Variants in PIGN observed in about 807,000 individuals in gnomAD.
PIGN encodes phosphatidylinositol glycan anchor biosynthesis class N, also known as GPI ethanolamine phosphate transferase 1.
A neutral mutation model predicts 125.4 loss-of-function variants in PIGN; 117 were observed. That is an observed-to-expected ratio of 0.93 (90% CI 0.80 to 1.09). PIGN has a LOEUF of 1.09. Among genes scored for constraint, PIGN ranks in the 50% least tolerant of loss-of-function variants. The pLI, the probability that PIGN is intolerant of heterozygous loss-of-function variation, is 0.00. For missense variants in PIGN, 1,075 were observed against 1,094.9 expected (o/e 0.98, Z 0.26); for synonymous variants, 392 against 377.8 (o/e 1.04, Z -0.44).
At position 62,078,528 on chromosome 18, in the gene PIGN, G is replaced by T. The variant is rs113111336; in HGVS notation, c.2577-3707C>A. On this transcript the variant is annotated intron_variant, in intron 28 of 30. Coordinates refer to ENST00000640252, the MANE Select transcript of PIGN (RefSeq NM_176787.5). The stretch of plus-strand genomic sequence containing the variant: ...CAGAGGCCTTCAGCATCTTCACCAC[G>T]TTCCTTTGAATGTGTCCCTGGTTCC... Among the ~76,000 whole-genome samples the T allele has an allele frequency of 2.6e-3, 389 of 152,284 alleles. 1 individual carries two copies. The highest frequency in any genetic ancestry group is 8.9e-3 in the African/African-American group (369 of 41,554).
At chr18:62,052,109 G>A (rs1465529670) in intron 30 of PIGN, 1 of 152,134 alleles carries the variant, frequency 6.6e-6, no homozygotes, top group Non-Finnish European at 1.5e-5. Flanking sequence ...GTTGAGGAGA[G>A]CTTTACTTCC....
chr18:62,150,523 C>T (rs1410143804), intron 7 of PIGN, among the ~76,000 whole-genome samples: 1 of 152,082 alleles, frequency 6.6e-6, no homozygotes, highest in Non-Finnish European at 1.5e-5. Context: ...ATAGATTCAA[C>T]CCAGGCGAAC....
In PIGN at chr18:62,162,248, G is replaced by T. The variant is rs2036980330; in HGVS notation, c.-33+5C>A. ...ACATTTAAATAAAACTGTAAAAGAA[G>T]ATACCATTAAATTGCCAAGATCAAA... On this transcript the variant is annotated splice_donor_5th_base_variant and intron_variant, in intron 3 of 30. Coordinates refer to ENST00000640252, the MANE Select transcript of PIGN (RefSeq NM_176787.5). The T allele has an allele frequency of 6.6e-6, 1 of 151,936 alleles. No individual in the cohort carries two copies. The highest frequency in any genetic ancestry group is 6.6e-5 in the Admixed American group (1 of 15,266). 9.4% of individuals were successfully genotyped at this position (151,936 alleles called of 1,614,324 possible). A position where few individuals can be genotyped will look rare whatever the true frequency, so the allele number is the denominator to read the frequency against.
chr18:62,097,537 C>A (rs1469574759), intron 22 of PIGN, among the ~76,000 whole-genome samples: 1 of 151,188 alleles, frequency 6.6e-6, no homozygotes, highest in Admixed American at 6.6e-5. Flanking sequence ...GGATCTAGAA[C>A]TAGAAATACC....
intron 23 of PIGN, among the ~76,000 whole-genome samples, chr18:62,019,039 C>A (rs1400581605): frequency 6.6e-6 from 1 of 152,106 alleles, no homozygotes. Context: ...GAGACCCTGG[C>A]TCTACTGAAA....
chr18:62,086,896 CAA>C (rs2033732717), intron 25 of PIGN, among the ~76,000 whole-genome samples: 1 of 143,792 alleles, frequency 7.0e-6, no homozygotes, highest in Non-Finnish European at 1.5e-5. Flanking sequence ...AATATGACAA[CAA>C]GTTGGATGTC....
Position 62,128,853 on chromosome 18 carries a change from C to T in PIGN, c.1172+9390G>A, listed in dbSNP as rs1196629624. On this transcript the variant is annotated intron_variant, in intron 14 of 30. Transcript: ENST00000640252. ...TATATTTAACATGAAAAATGTAAGGCAAAAATAAACTATTAAGTTTCTTCT... is the reference window on the plus strand; with the variant it reads ...TATATTTAACATGAAAAATGTAAGGTAAAAATAAACTATTAAGTTTCTTCT... Among the ~76,000 whole-genome samples, 4 of 151,882 alleles carry T rather than the reference C, an allele frequency of 2.6e-5. No homozygotes were observed. The East Asian group carries it at 7.7e-4, about 29-fold the overall frequency.
At chr18:62,089,162 C>T (rs1272033918) in intron 24 of PIGN, among the ~76,000 whole-genome samples, 1 of 152,078 alleles carries the variant, frequency 6.6e-6, no homozygotes, top group Non-Finnish European at 1.5e-5. Context: ...TAATTCTTCC[C>T]TCTTCAAAGA....
At position 62,072,730 on chromosome 18, in the gene PIGN, A is replaced by AAG. The variant is rs776271606; in HGVS notation, c.2620-6_2620-5insCT. Reference sequence around the variant, plus strand: ...CTTGACCAAGAAGAAAAAATGCTGTAAAAAAAAAAAAAGGCTTAATGAAAA... The same window carrying AAG: ...CTTGACCAAGAAGAAAAAATGCTGTAAGAAAAAAAAAAAAGGCTTAATGAAAA... On this transcript the variant is annotated splice_polypyrimidine_tract_variant and splice_region_variant and intron_variant, in intron 29 of 30. Transcript: ENST00000640252. The AAG allele has an allele frequency of 2.0e-4, 92 of 467,240 alleles. No individual in the cohort carries two copies. The East Asian group carries it at 4.4e-3, about 22-fold the overall frequency. The allele number at this position is 467,240 out of a possible 1,614,324, so 28.9% of individuals were successfully genotyped here. A position where few individuals can be genotyped will look rare whatever the true frequency, so the allele number is the denominator to read the frequency against.
chr18:62,149,450 T>C lies in PIGN; in HGVS notation c.550-1112A>G, dbSNP rs79436825. ...GCTGAAAACAAAAAAACTGAGCAAATGACTTGAATTACATCTATAATTTGT... is the reference window on the plus strand; with the variant it reads ...GCTGAAAACAAAAAAACTGAGCAAACGACTTGAATTACATCTATAATTTGT... On this transcript the variant is annotated intron_variant, in intron 7 of 30. Transcript: ENST00000640252. Among the ~76,000 whole-genome samples the C allele has an allele frequency of 3.1e-3, 466 of 152,242 alleles. 1 individual carries two copies. The highest frequency in any genetic ancestry group is 0.011 in the African/African-American group (442 of 41,544).
At chr18:62,092,782 T>C (rs1338646275) in intron 23 of PIGN, among the ~76,000 whole-genome samples, 1 of 152,124 alleles carries the variant, frequency 6.6e-6, no homozygotes, top group Non-Finnish European at 1.5e-5. Context: ...ATTTTTCCAA[T>C]GATTTTTTAA....
chr18:62,101,587 A>G (rs1345221368), intron 21 of PIGN, among the ~76,000 whole-genome samples: 1 of 152,218 alleles, frequency 6.6e-6, no homozygotes, highest in Non-Finnish European at 1.5e-5. Context: ...ATGGCTTGAC[A>G]GGATTTTTGA....
In PIGN at chr18:62,157,797, A is replaced by G. The variant is rs748501083; in HGVS notation, c.233T>C (p.Met78Thr). The G allele has an allele frequency of 1.2e-6, 2 of 1,610,808 alleles. No homozygotes were observed. Among genetic ancestry groups the G allele is most frequent in the Admixed American group, 3.3e-5 (2 of 59,772 alleles). ...AGATATGCCCCAGCTGCCTTCATGCATTATGATATTCCTAAAAGATATTAA... is the reference window on the plus strand; with the variant it reads ...AGATATGCCCCAGCTGCCTTCATGCGTTATGATATTCCTAAAAGATATTAA... ...SRAPFIRNII[M>T]HEGSWGISHT... Residue 78 changes from methionine (M) to threonine (T), a missense_variant, in exon 5 of 31, where the codon ATG becomes ACG. Physicochemically the swap from Met to Thr is moderately conservative, Grantham distance 81. Around this residue, in one of 3 missense-constraint regions of PIGN, gnomAD observed 152 missense variants for 162.9 expected, o/e 0.93. Coordinates refer to ENST00000640252, the MANE Select transcript of PIGN (RefSeq NM_176787.5).
In PIGN at chr18:62,140,469, G is replaced by A; in HGVS notation, c.974C>T (p.Ala325Val). The A allele has an allele frequency of 6.5e-7, 1 of 1,541,662 alleles. No homozygotes were observed. Among genetic ancestry groups the A allele is most frequent in the Non-Finnish European group, 8.9e-7 (1 of 1,125,740 alleles). The change falls in exon 12 of 31, where the codon GCA becomes GTA. Residue 325 changes from alanine to valine, a missense_variant. Physicochemically the swap from Ala to Val is moderately conservative, Grantham distance 64. Coordinates refer to ENST00000640252, the MANE Select transcript of PIGN (RefSeq NM_176787.5). ...KRLDVNQADIAPLMTSLIGVP... is the reference protein window; with the variant it reads ...KRLDVNQADIVPLMTSLIGVP... Reference sequence around the variant, plus strand: ...TCCAATAAGGGAAGTCATCAATGGTGCAATATCAGCCTACAAATAAAAAAG... The same window carrying A: ...TCCAATAAGGGAAGTCATCAATGGTACAATATCAGCCTACAAATAAAAAAG...
intron 1 of PIGN, among the ~76,000 whole-genome samples, chr18:62,167,631 C>CA (rs775800855): frequency 0.021 from 1,679 of 78,960 alleles, 20 homozygotes; most frequent in Middle Eastern, 0.081. Flanking sequence ...AACTCCGTCT[C>CA]AAAAAAAAAA....
chr18:62,141,951 C>G (rs564373419), intron 11 of PIGN, among the ~76,000 whole-genome samples: 1 of 152,170 alleles, frequency 6.6e-6, no homozygotes, highest in Non-Finnish European at 1.5e-5. Flanking sequence ...CTCCTACTGC[C>G]TTGGCCTGCT....
At chr18:62,056,600 G>C (rs1045028393) in intron 30 of PIGN, 1 of 151,952 alleles carries the variant, frequency 6.6e-6, no homozygotes, top group Non-Finnish European at 1.5e-5. Flanking sequence ...ACTCATATCT[G>C]TGCCCACACT....
At chr18:62,046,093 G>A in intron 30 of PIGN, 114 bp from the exon 31 acceptor site, 1 of 1,085,504 alleles carries the variant, frequency 9.2e-7, no homozygotes, top group Admixed American at 2.2e-5. Flanking sequence ...TCAGGAGCTG[G>A]AGTGGGTGTT....
intron 30 of PIGN, among the ~76,000 whole-genome samples, chr18:62,054,684 G>T (rs2031590873): frequency 6.6e-6 from 1 of 151,784 alleles, no homozygotes; most frequent in Non-Finnish European, 1.5e-5. Flanking sequence ...TAGAGATGGG[G>T]TCTTGCCATG....
Sources: gnomAD v4.1 joint callset for allele counts (sites outside exome capture counted in the v4.1 genomes callset) on GRCh38, gnomAD v4.1.1 for gene constraint, gnomAD v4.1.1 regional missense constraint, MANE v1.5 for transcripts, NCBI Gene and HGNC (gene_info 2026-07-23, HGNC 2026-07-21) for gene names.